Variants in LUC7L2 observed in about 807,000 individuals in gnomAD.
LUC7L2 encodes putative RNA-binding protein Luc7-like 2.
A neutral mutation model predicts 52.8 loss-of-function variants in LUC7L2; 25 were observed. That is an observed-to-expected ratio of 0.47 (90% CI 0.34 to 0.66). The LOEUF is 0.66. LUC7L2 is among the 30% of genes least tolerant of loss of function. The probability of loss-of-function intolerance (pLI) is 0.01; values close to 1 mark genes in which losing one functional copy is unlikely to be tolerated. For missense variants in LUC7L2, 328 were observed against 497.8 expected, an observed-to-expected ratio of 0.66 and a Z score of 3.25; for synonymous variants, 144 against 160.9, an observed-to-expected ratio of 0.89 and a Z score of 0.80.
chr7:139,420,128 T>C (rs1049867078), intron 9 of LUC7L2, among the ~76,000 whole-genome samples: 3 of 152,258 alleles, frequency 2.0e-5, no homozygotes, highest in African/African-American at 7.2e-5. Flanking sequence ...CATCTATCTA[T>C]CTTTTTGCTC....
At chr7:139,378,230 T>G (rs1468151577) in intron 2 of LUC7L2, among the ~76,000 whole-genome samples, 1 of 152,186 alleles carries the variant, frequency 6.6e-6, no homozygotes, top group Non-Finnish European at 1.5e-5. Context: ...ACTGTGATTC[T>G]CCATGTTTAA....
chr7:139,377,641 C>G (rs1364146724), intron 2 of LUC7L2, among the ~76,000 whole-genome samples: 1 of 152,140 alleles, frequency 6.6e-6, no homozygotes, highest in Non-Finnish European at 1.5e-5. Context: ...ATCCACCCGC[C>G]TTGGCCTCCC....
intron 1 of LUC7L2, among the ~76,000 whole-genome samples, chr7:139,373,455 C>T (rs1800554840): frequency 6.6e-6 from 1 of 152,150 alleles, no homozygotes. Flanking sequence ...GAGTTTGCTA[C>T]GGTTATCAAA....
chr7:139,406,500 G>A (rs1252442852), intron 5 of LUC7L2, among the ~76,000 whole-genome samples: 1 of 151,500 alleles, frequency 6.6e-6, no homozygotes, highest in African/African-American at 2.4e-5. Flanking sequence ...CTACAGGTGT[G>A]CACCACCATG....
At chr7:139,348,158 G>A (rs1799329722) in intron 1 of LUC7L2, among the ~76,000 whole-genome samples, 1 of 150,660 alleles carries the variant, frequency 6.6e-6, no homozygotes, top group Non-Finnish European at 1.5e-5. Flanking sequence ...ACAATAATAT[G>A]TACATTATAA....
rs567728805 is a variant in LUC7L2, at chr7:139,403,551, C to T, written c.366+1304C>T. ...TCTCTGAAGATGGGGACTGGAAAGA[C>T]GGGCATCCTGAAGTACAAAGGATCT... On this transcript the variant is annotated intron_variant, in intron 4 of 9. Transcript: ENST00000354926. 2.6e-5 allele frequency among the ~76,000 whole-genome samples: 4 copies of T among 151,974 alleles called. No individual in the cohort carries two copies. In the East Asian group the frequency reaches 5.8e-4, roughly 22 times the overall value.
chr7:139,422,348 T>C lies in LUC7L2; in HGVS notation c.*8T>C, dbSNP rs764982534. ...GAAGCAGGGGAGATCTAACTAGCTG[T>C]GTACATTTCTTCAGTCCTTAAGCTT... On this transcript the variant is annotated 3_prime_UTR_variant, in exon 10 of 10. Coordinates refer to ENST00000354926, the MANE Select transcript of LUC7L2 (RefSeq NM_016019.5). 6.2e-7 allele frequency: 1 copy of C among 1,603,236 alleles called. No homozygotes were observed. The highest frequency in any genetic ancestry group is 1.1e-5 in the South Asian group (1 of 89,116).
chr7:139,380,401 C>G (rs6953954), intron 2 of LUC7L2, among the ~76,000 whole-genome samples: 58,395 of 151,716 alleles, frequency 0.38, 15,706 homozygotes, highest in African/African-American at 0.77. Flanking sequence ...AGTTCGAGAC[C>G]AGCCTGGCCA....
intron 3 of LUC7L2, among the ~76,000 whole-genome samples, chr7:139,401,297 T>A (rs1385332285): frequency 6.6e-6 from 1 of 152,240 alleles, no homozygotes; most frequent in Non-Finnish European, 1.5e-5. Context: ...GTTAGCATTT[T>A]GTATAGTTTT....
At chr7:139,362,702 A>AC (rs1271590329) in intron 1 of LUC7L2, among the ~76,000 whole-genome samples, 5 of 147,686 alleles carry the variant, frequency 3.4e-5, no homozygotes, top group Admixed American at 2.7e-4. Flanking sequence ...GGTGGCAGTG[A>AC]CCCCCTCCAC....
chr7:139,386,628 G>A (rs1206183235), intron 2 of LUC7L2, among the ~76,000 whole-genome samples: 4 of 150,190 alleles, frequency 2.7e-5, no homozygotes, highest in East Asian at 2.0e-4. Context: ...GGATGGTCTC[G>A]ATCTCCTGAC....
chr7:139,381,247 T>C (rs1027087813), intron 2 of LUC7L2, among the ~76,000 whole-genome samples: 5 of 152,154 alleles, frequency 3.3e-5, no homozygotes, highest in African/African-American at 4.8e-5. Context: ...AATTCAGTTA[T>C]CCAGGGCAGT....
intron 2 of LUC7L2, among the ~76,000 whole-genome samples, chr7:139,376,497 TTTATC>T (rs1474374135): frequency 6.6e-6 from 1 of 152,220 alleles, no homozygotes; most frequent in East Asian, 1.9e-4. Flanking sequence ...AGAGTAGACT[TTTATC>T]TAGTACGGTA....
chr7:139,394,457 G>C (rs1480944332), intron 2 of LUC7L2, among the ~76,000 whole-genome samples: 1 of 152,110 alleles, frequency 6.6e-6, no homozygotes, highest in Non-Finnish European at 1.5e-5. Context: ...TTTGTTCTTA[G>C]TCTACATAGT....
intron 2 of LUC7L2, among the ~76,000 whole-genome samples, chr7:139,377,831 T>C (rs1800796424): frequency 6.8e-6 from 1 of 147,826 alleles, no homozygotes; most frequent in Non-Finnish European, 1.5e-5. Context: ...CTGGCTTTTT[T>C]TTTTTTTTTT....
chr7:139,354,511 G>A (rs1253315413), intron 1 of LUC7L2, among the ~76,000 whole-genome samples: 1 of 152,140 alleles, frequency 6.6e-6, no homozygotes, highest in Non-Finnish European at 1.5e-5. Context: ...ACAGGCACGT[G>A]CCACCACAAC....
intron 1 of LUC7L2, among the ~76,000 whole-genome samples, chr7:139,352,545 T>C (rs1347495531): frequency 1.3e-5 from 2 of 152,220 alleles, no homozygotes; most frequent in African/African-American, 2.4e-5. Context: ...ATAGTTTATA[T>C]GCTTACTGAT....
intron 1 of LUC7L2, among the ~76,000 whole-genome samples, chr7:139,369,632 C>G (rs944856301): frequency 6.6e-6 from 1 of 152,184 alleles, no homozygotes; most frequent in African/African-American, 2.4e-5. Context: ...CAAGGCTGTT[C>G]CCCAGTTTCA....
At chr7:139,410,023 C>T (rs374074972) in intron 7 of LUC7L2, among the ~76,000 whole-genome samples, 5 of 152,028 alleles carry the variant, frequency 3.3e-5, no homozygotes, top group African/African-American at 9.7e-5. Flanking sequence ...CTGGCTAACA[C>T]GGTGAAACCC....
Sources: gnomAD v4.1 joint callset for allele counts (sites outside exome capture counted in the v4.1 genomes callset) on GRCh38, gnomAD v4.1.1 for gene constraint, MANE v1.5 for transcripts, NCBI Gene and HGNC (gene_info 2026-07-23, HGNC 2026-07-21) for gene names.